DHRSX: variants seen among roughly 807,000 people sequenced by gnomAD.
The protein encoded by DHRSX is polyprenol dehydrogenase.
Under a neutral mutation model 34.0 loss-of-function variants are expected in DHRSX, and 31 were observed. The ratio of observed to expected loss-of-function variants is 0.91; its 90% CI spans 0.69 to 1.23. The LOEUF (loss-of-function observed/expected upper bound fraction) is 1.23, where lower values mean the gene tolerates loss of function less well. Among genes scored for constraint, DHRSX ranks in the 50% most tolerant of loss-of-function variants. The probability of loss-of-function intolerance (pLI) is 0.00; values close to 1 mark genes in which losing one functional copy is unlikely to be tolerated. For synonymous variants in DHRSX, 201 were observed against 183.8 expected, an observed-to-expected ratio of 1.09 and a Z score of -0.76; for missense variants, 414 against 428.1, an observed-to-expected ratio of 0.97 and a Z score of 0.29.
chrX:2,267,705 G>A (rs2124464252), intron 4 of DHRSX, among the ~76,000 whole-genome samples: 1 of 152,186 alleles, frequency 6.6e-6, no homozygotes, highest in South Asian at 2.1e-4. Flanking sequence ...CCAGCCTTTG[G>A]GTAGGTGAGT....
chrX:2,338,221 T>A (rs1424951659), intron 3 of DHRSX, among the ~76,000 whole-genome samples: 3 of 151,506 alleles, frequency 2.0e-5, no homozygotes, highest in African/African-American at 7.3e-5. Flanking sequence ...TAATCCCAGC[T>A]ACTTGGGAGG....
At chrX:2,311,177 G>C (rs1007668386) in intron 3 of DHRSX, among the ~76,000 whole-genome samples, 1 of 151,608 alleles carries the variant, frequency 6.6e-6, no homozygotes, top group African/African-American at 2.4e-5. Context: ...TGACAGAGAG[G>C]GACAGAGAGG....
At chrX:2,223,210 G>A (rs2015560461) in intron 6 of DHRSX, among the ~76,000 whole-genome samples, 1 of 152,108 alleles carries the variant, frequency 6.6e-6, no homozygotes. Context: ...TGAATCATGG[G>A]AGATCTTTCT....
chrX:2,482,508 T>C (rs2044789519), intron 1 of DHRSX, among the ~76,000 whole-genome samples: 1 of 152,150 alleles, frequency 6.6e-6, no homozygotes, highest in Non-Finnish European at 1.5e-5. Flanking sequence ...AAAATCATCC[T>C]CCTGCCTCAG....
At chrX:2,442,257 C>T (rs1427208458) in intron 1 of DHRSX, among the ~76,000 whole-genome samples, 1 of 150,400 alleles carries the variant, frequency 6.6e-6, no homozygotes, top group Non-Finnish European at 1.5e-5. Flanking sequence ...CTCATCGTCT[C>T]CATGCTGAAG....
chrX:2,283,927 TTCACTCATTCCTTTGAATTCAC>T (rs2041767791), intron 4 of DHRSX, among the ~76,000 whole-genome samples: 3 of 35,210 alleles, frequency 8.5e-5, no homozygotes, highest in Non-Finnish European at 2.2e-4. Flanking sequence ...TTCCTTTGAA[TTCACTCATTCCTTTGAATTCAC>T]TCATTCCTTT....
chrX:2,288,199 AAG>A (rs2041827802), intron 4 of DHRSX, among the ~76,000 whole-genome samples: 4 of 151,924 alleles, frequency 2.6e-5, no homozygotes, highest in Non-Finnish European at 5.9e-5. Context: ...GAGAACAAGA[AAG>A]AGAGATTCAA....
chrX:2,402,572 C>T (rs2043499376), intron 3 of DHRSX, among the ~76,000 whole-genome samples: 1 of 152,220 alleles, frequency 6.6e-6, no homozygotes, highest in Non-Finnish European at 1.5e-5. Flanking sequence ...GCTCAATGGC[C>T]ACAGCCGAAA....
intron 6 of DHRSX, among the ~76,000 whole-genome samples, chrX:2,235,878 C>A (rs2016002426): frequency 6.7e-6 from 1 of 149,890 alleles, no homozygotes; most frequent in African/African-American, 2.5e-5. Flanking sequence ...CTTTGGGAGA[C>A]CGAGGCGGGC....
intron 5 of DHRSX, among the ~76,000 whole-genome samples, chrX:2,255,747 C>CAA (rs113678459): frequency 6.9e-6 from 1 of 144,334 alleles, no homozygotes; most frequent in Non-Finnish European, 1.5e-5. Flanking sequence ...CCCAGCTCTA[C>CAA]AAAAAAAAAA....
chrX:2,500,502 C>T (rs1225361382), intron 1 of DHRSX: 1 of 157,290 alleles, frequency 6.4e-6, no homozygotes, highest in Non-Finnish European at 1.4e-5. Context: ...GGCGGCTGCA[C>T]GGGGGCTGCT....
chrX:2,410,221 G>T (rs998525366), intron 2 of DHRSX, among the ~76,000 whole-genome samples: 34 of 152,330 alleles, frequency 2.2e-4, no homozygotes, highest in Non-Finnish European at 3.7e-4. Context: ...TCATTAACCT[G>T]TTGGCAACAT....
rs181950563 is a variant in DHRSX at position 2,275,595 on chromosome X, C to T, written c.389-8648G>A. 3.4e-4 allele frequency among the ~76,000 whole-genome samples: 52 copies of T among 151,706 alleles called. 1 individual carries two copies. The highest frequency in any genetic ancestry group is 6.9e-3 in the Middle Eastern group (2 of 288). On this transcript the variant is annotated intron_variant, in intron 4 of 6. Transcript: ENST00000334651. The stretch of plus-strand genomic sequence containing the variant: ...CGAGCACTCTCCCCTCTCAGGTAAC[C>T]GCCTCCCACATCTGCACCCCTAAGC...
At chrX:2,330,229 A>G (rs2042448395) in intron 3 of DHRSX, among the ~76,000 whole-genome samples, 1 of 151,082 alleles carries the variant, frequency 6.6e-6, no homozygotes, top group Admixed American at 6.6e-5. Context: ...AAGGGAAAAA[A>G]AAAGTAGAAG....
chrX:2,347,802 G>A (rs770251161), intron 3 of DHRSX, among the ~76,000 whole-genome samples: 146 of 152,246 alleles, frequency 9.6e-4, no homozygotes, highest in Non-Finnish European at 1.6e-3. Flanking sequence ...GCCATAATGC[G>A]GTGTCCAGCA....
At chrX:2,470,335 G>A (rs985190907) in intron 1 of DHRSX, among the ~76,000 whole-genome samples, 11 of 151,394 alleles carry the variant, frequency 7.3e-5, no homozygotes, top group African/African-American at 2.7e-4. Flanking sequence ...GCTGAGGAAG[G>A]AGGATCACTG....
chrX:2,360,673 T>C (rs773766459), intron 3 of DHRSX, among the ~76,000 whole-genome samples: 2 of 152,080 alleles, frequency 1.3e-5, no homozygotes, highest in Non-Finnish European at 2.9e-5. Context: ...TAATCTAGGA[T>C]GGTAATGGAG....
At chrX:2,356,246 G>A (rs981768093) in intron 3 of DHRSX, among the ~76,000 whole-genome samples, 4 of 151,868 alleles carry the variant, frequency 2.6e-5, no homozygotes, top group African/African-American at 7.3e-5. Flanking sequence ...GTGGTGGTGG[G>A]CACCTGTAAT....
chrX:2,315,271 G>GT (rs1272550581), intron 3 of DHRSX, among the ~76,000 whole-genome samples: 55 of 152,238 alleles, frequency 3.6e-4, no homozygotes, highest in Non-Finnish European at 2.2e-4. Flanking sequence ...CATTGTGGAG[G>GT]TTTGACCTAA....
Sources: gnomAD v4.1 joint callset for allele counts (sites outside exome capture counted in the v4.1 genomes callset) on GRCh38, gnomAD v4.1.1 for gene constraint, MANE v1.5 for transcripts, NCBI Gene and HGNC (gene_info 2026-07-23, HGNC 2026-07-21) for gene names.